Variants in LPO observed in about 807,000 individuals in gnomAD.
LPO encodes lactoperoxidase.
A neutral mutation model predicts 68.4 loss-of-function variants in LPO; 70 were observed. The observed-to-expected ratio is 1.02, with a 90% CI of 0.84 to 1.25. The LOEUF (loss-of-function observed/expected upper bound fraction) is 1.25. Among genes scored for constraint, LPO ranks in the 50% most tolerant of loss-of-function variants. The pLI, the probability that LPO is intolerant of heterozygous loss-of-function variation, is 0.00. For missense variants in LPO, 873 were observed against 908.4 expected (o/e 0.96, Z 0.50); for synonymous variants, 360 against 357.6 (o/e 1.01, Z -0.08).
chr17:58,242,566 G>A (rs1234265399), intron 1 of LPO, among the ~76,000 whole-genome samples: 1 of 152,214 alleles, frequency 6.6e-6, no homozygotes, highest in Non-Finnish European at 1.5e-5. Context: ...TCTCACACCT[G>A]TGACAAGACA....
At chr17:58,241,602 TA>T (rs1969761523) in intron 1 of LPO, among the ~76,000 whole-genome samples, 1 of 151,980 alleles carries the variant, frequency 6.6e-6, no homozygotes, top group Non-Finnish European at 1.5e-5. Context: ...CATACAACTA[TA>T]AGGACAAGAG....
At chr17:58,265,876 T>C (rs1447568383) in intron 10 of LPO, among the ~76,000 whole-genome samples, 1 of 152,052 alleles carries the variant, frequency 6.6e-6, no homozygotes, top group African/African-American at 2.4e-5. Context: ...TGAGCCACCA[T>C]GCATGGCCAA....
At chr17:58,249,318 T>C in intron 5 of LPO, 141 bp downstream of exon 5, 2 of 885,116 alleles carry the variant, frequency 2.3e-6, no homozygotes, top group Non-Finnish European at 1.7e-6. Context: ...CCCCACCTTC[T>C]CAAGATCGCG....
intron 9 of LPO, among the ~76,000 whole-genome samples, chr17:58,256,493 A>G (rs1970074061): frequency 6.6e-6 from 1 of 151,678 alleles, no homozygotes; most frequent in Non-Finnish European, 1.5e-5. Flanking sequence ...TGATAAGGGC[A>G]TACAATGTGA....
chr17:58,240,769 G>T (rs1026804761), intron 1 of LPO, among the ~76,000 whole-genome samples: 45 of 152,202 alleles, frequency 3.0e-4, no homozygotes, highest in Admixed American at 2.9e-3. Flanking sequence ...TCTTCCTCAG[G>T]CTGTCTCAGA....
intron 11 of LPO, 29 bp from the exon 12 acceptor site, chr17:58,267,320 A>T: frequency 6.4e-7 from 1 of 1,570,668 alleles, no homozygotes; most frequent in Non-Finnish European, 8.8e-7. Context: ...AGTCCCCGGG[A>T]TGAGACAGCC....
chr17:58,256,927 A>G (rs1256820640), intron 9 of LPO, among the ~76,000 whole-genome samples: 1 of 151,696 alleles, frequency 6.6e-6, no homozygotes, highest in South Asian at 2.1e-4. Flanking sequence ...GAAAATGCAC[A>G]ATTAAGTTAA....
intron 9 of LPO, among the ~76,000 whole-genome samples, chr17:58,259,247 G>T (rs1228175282): frequency 6.6e-6 from 1 of 151,854 alleles, no homozygotes; most frequent in Non-Finnish European, 1.5e-5. Flanking sequence ...ATCCATTTTG[G>T]GTAAATTTTT....
intron 4 of LPO, among the ~76,000 whole-genome samples, 161 bp downstream of exon 4, chr17:58,247,799 G>A (rs1004303440): frequency 3.3e-5 from 5 of 152,202 alleles, no homozygotes; most frequent in African/African-American, 1.2e-4. Context: ...GGCAGAGCAA[G>A]GAAGGTCTTA....
chr17:58,243,994 C>T lies in LPO; in HGVS notation c.77C>T (p.Ala26Val), dbSNP rs570047955. ...LLQAAASTTR[A>V]QTTRTSAISD... ...TCCTGCTCCCCACTCCAACCCCAAG[C>T]GCAGACTACCAGAACCTCTGCCATC... Residue 26 changes from alanine (A) to valine (V), a missense_variant and splice_region_variant, in exon 3 of 13, where the codon GCG (alanine) becomes GTG (valine). Ala to Val is a moderately conservative substitution (Grantham distance 64). Coordinates refer to ENST00000262290, the MANE Select transcript of LPO (RefSeq NM_006151.3). The T allele has an allele frequency of 3.3e-5, 53 of 1,612,734 alleles. No homozygotes were observed. The highest frequency in any genetic ancestry group is 2.0e-4 in the South Asian group (18 of 91,056).
In LPO at chr17:58,252,269, A is replaced by C. The variant is rs1969973103; in HGVS notation, c.868A>C (p.Lys290Gln). 1 of 1,614,068 alleles carries C rather than the reference A, an allele frequency of 6.2e-7. No individual in the cohort carries two copies. Among genetic ancestry groups the C allele is most frequent in the Middle Eastern group, 1.6e-4 (1 of 6,062 alleles). ...GTTCGTCTGCCCCACTCCACCCTACAAGTCCCTGGCCCGAGAGCAGATCAA... is the reference window on the plus strand; with the variant it reads ...GTTCGTCTGCCCCACTCCACCCTACCAGTCCCTGGCCCGAGAGCAGATCAA... ...AGFVCPTPPYKSLAREQINAL... is the reference protein window; with the variant it reads ...AGFVCPTPPYQSLAREQINAL... Residue 290 changes from lysine (K) to glutamine (Q), a missense_variant, in exon 8 of 13, where the codon AAG becomes CAG. Coordinates refer to ENST00000262290, the MANE Select transcript of LPO (RefSeq NM_006151.3).
At chr17:58,254,248 C>A (rs1970026540) in intron 8 of LPO, among the ~76,000 whole-genome samples, 1 of 152,072 alleles carries the variant, frequency 6.6e-6, no homozygotes, top group Non-Finnish European at 1.5e-5. Flanking sequence ...TTATGAGACA[C>A]CTGGTCTTTG....
At position 58,244,072 on chromosome 17, in the gene LPO, C is replaced by T. The variant is rs2143885558; in HGVS notation, c.155C>T (p.Ser52Phe). ...CAAGTCAACAAGGCCTTCCTGGACT[C>T]CCGAACCAGGTACGTGAGACACACA... is the stretch of plus-strand genomic sequence containing the variant. ...KVQVNKAFLD[S>F]RTRLKTAMSS... is the part of the protein sequence containing the mutation. Residue 52 changes from serine (S) to phenylalanine (F), a missense_variant, in exon 3 of 13, where the codon TCC (serine) becomes TTC (phenylalanine). Transcript: ENST00000262290. 1 of 1,605,040 alleles carries T rather than the reference C, an allele frequency of 6.2e-7. No homozygotes were observed. Among genetic ancestry groups the T allele is most frequent in the Non-Finnish European group, 8.5e-7 (1 of 1,174,578 alleles).
At chr17:58,246,029 GA>G (rs1401668379) in intron 3 of LPO, among the ~76,000 whole-genome samples, 3 of 152,150 alleles carry the variant, frequency 2.0e-5, no homozygotes, top group African/African-American at 7.2e-5. Flanking sequence ...ACAGTGCAGT[GA>G]CTCACAATTT....
Position 58,249,592 on chromosome 17 carries a change from A to T in LPO, c.470A>T (p.Asn157Ile), listed in dbSNP as rs1236116501. Reference sequence around the variant, plus strand: ...AGGAAGCCTGCGCTGGGCGCCGCCAACAGGGCTCTGGCGCGCTGGCTGCCC... The same window carrying T: ...AGGAAGCCTGCGCTGGGCGCCGCCATCAGGGCTCTGGCGCGCTGGCTGCCC... Reference protein sequence around the residue: ...NRRKPALGAANRALARWLPAE... With the variant: ...NRRKPALGAAIRALARWLPAE... Residue 157 changes from asparagine (N) to isoleucine (I), a missense_variant, in exon 6 of 13, where the codon AAC becomes ATC. Asn to Ile is a moderately radical substitution (Grantham distance 149). Coordinates refer to ENST00000262290, the MANE Select transcript of LPO (RefSeq NM_006151.3). 2.5e-6 allele frequency: 4 copies of T among 1,604,084 alleles called. No homozygotes were observed. Among genetic ancestry groups the T allele is most frequent in the Non-Finnish European group, 3.4e-6 (4 of 1,179,244 alleles).
chr17:58,242,841 C>T (rs191328305), intron 1 of LPO, 137 bp from the exon 2 acceptor site: 8 of 687,894 alleles, frequency 1.2e-5, no homozygotes, highest in East Asian at 5.1e-5. Context: ...ATGCTTCATT[C>T]GTTAATGTGG....
intron 7 of LPO, chr17:58,251,636 A>G (rs1344645070): frequency 8.7e-6 from 3 of 346,628 alleles, no homozygotes; most frequent in South Asian, 6.8e-5. Context: ...TAAACTGTGG[A>G]ATGAAGCCAA....
chr17:58,249,791 G>C, intron 6 of LPO, 96 bp downstream of exon 6: 1 of 1,419,674 alleles, frequency 7.0e-7, no homozygotes, highest in Non-Finnish European at 9.2e-7. Flanking sequence ...GGATCGGTGG[G>C]GGCAGCAGGG....
At chr17:58,266,588 G>C (rs1970271965) in intron 11 of LPO, among the ~76,000 whole-genome samples, 1 of 151,916 alleles carries the variant, frequency 6.6e-6, no homozygotes, top group Admixed American at 6.6e-5. Flanking sequence ...AGCCTACCAA[G>C]TAGGTGGGAC....
Sources: gnomAD v4.1 joint callset for allele counts (sites outside exome capture counted in the v4.1 genomes callset) on GRCh38, gnomAD v4.1.1 for gene constraint, MANE v1.5 for transcripts, NCBI Gene and HGNC (gene_info 2026-07-23, HGNC 2026-07-21) for gene names.